The following ARMCX4 variants were observed in gnomAD, a reference collection of about 807,000 sequenced individuals.
The protein encoded by ARMCX4 is armadillo repeat containing X-linked 4, also known as armadillo repeat-containing X-linked protein 4.
A neutral mutation model predicts 34.7 loss-of-function variants in ARMCX4; 3 were observed. That is an observed-to-expected ratio of 0.09 (90% CI 0.04 to 0.22). The LOEUF (loss-of-function observed/expected upper bound fraction) is 0.22. Among genes scored for constraint, ARMCX4 ranks in the 10% least tolerant of loss-of-function variants. ARMCX4 has a pLI of 1.00. For synonymous variants in ARMCX4, 513 were observed against 632.8 expected (o/e 0.81, Z 2.84); for missense variants, 1,448 against 1,720.8 (o/e 0.84, Z 2.81).
upstream of ARMCX4, among the ~76,000 whole-genome samples, chrX:101,484,282 C>T (rs184521993): frequency 1.1e-3 from 118 of 111,600 alleles, no homozygotes; most frequent in Non-Finnish European, 1.8e-3. Flanking sequence ...TGGCAGACAC[C>T]GGCGAGATCT....
intron 2 of ARMCX4, among the ~76,000 whole-genome samples, chrX:101,428,084 G>A (rs782133068): frequency 7.1e-5 from 8 of 111,942 alleles, no homozygotes; most frequent in South Asian, 3.7e-4. Flanking sequence ...CGTGTACACC[G>A]GTGTTCTTAC....
chrX:101,530,510 A>G (rs1343928118), intron 11 of ARMCX4, among the ~76,000 whole-genome samples: 1 of 111,991 alleles, frequency 8.9e-6, no homozygotes, highest in Non-Finnish European at 1.9e-5. Context: ...AAAATAAAAA[A>G]GTGGTATATA....
At chrX:101,420,078 A>AT (rs782708932) in intron 2 of ARMCX4, among the ~76,000 whole-genome samples, 2 of 112,292 alleles carry the variant, frequency 1.8e-5, no homozygotes, top group South Asian at 7.3e-4. Context: ...AAGACCACCA[A>AT]TTGGCTGGAT....
At chrX:101,502,021 G>T (rs782281031) in intron 7 of ARMCX4, among the ~76,000 whole-genome samples, 1 of 112,337 alleles carries the variant, frequency 8.9e-6, no homozygotes, top group Non-Finnish European at 1.9e-5. Context: ...TGGGGAAATC[G>T]CAACTTAGCT....
chrX:101,432,739 C>CGT (rs1489172395), intron 2 of ARMCX4, among the ~76,000 whole-genome samples: 1 of 70,951 alleles, frequency 1.4e-5, no homozygotes, highest in African/African-American at 4.1e-5. Context: ...CACATATATA[C>CGT]GTATATATAT....
intron 4 of ARMCX4, among the ~76,000 whole-genome samples, chrX:101,469,936 G>A (rs924118042): frequency 4.5e-5 from 5 of 111,892 alleles, no homozygotes; most frequent in Non-Finnish European, 9.4e-5. Flanking sequence ...CTTAATTTGC[G>A]TATAATTAAA....
intron 2 of ARMCX4, among the ~76,000 whole-genome samples, chrX:101,439,961 C>T (rs1490803623): frequency 8.9e-6 from 1 of 111,833 alleles, no homozygotes; most frequent in Non-Finnish European, 1.9e-5. Flanking sequence ...TCATCTGAAG[C>T]CTTCTCCTCT....
chrX:101,457,807 A>G lies in ARMCX4; in HGVS notation c.-473+11763A>G, dbSNP rs374244062. On this transcript the variant is annotated intron_variant and NMD_transcript_variant, in intron 4 of 15. Transcript: ENST00000433011. ...GCCCAGGCTGAAGTGCAGTGGCACCATCTTGGCTCACTGAAACCTCTGCCT... is the reference window on the plus strand; with the variant it reads ...GCCCAGGCTGAAGTGCAGTGGCACCGTCTTGGCTCACTGAAACCTCTGCCT... Among the ~76,000 whole-genome samples the G allele has an allele frequency of 7.3e-5, 8 of 109,896 alleles. No individual in the cohort carries two copies. In the East Asian group the frequency reaches 2.1e-3, roughly 29 times the overall value.
Position 101,489,740 on chromosome X carries a change from C to A in ARMCX4, c.1151C>A (p.Thr384Asn). Residue 384 changes from threonine to asparagine, a missense_variant, in exon 6 of 6, where the codon ACC becomes AAC. By Grantham distance (65) the Thr-to-Asn change is moderately conservative. This residue lies in a region of ARMCX4 where 1,343 missense variants were observed against 1,540.7 expected (regional missense o/e 0.87). Coordinates refer to ENST00000423738, the MANE Select transcript of ARMCX4 (RefSeq NM_001256155.3). The part of the protein sequence containing the change: ...SGARVDGRGN[T>N]NVISKAITGA... Reference sequence around the variant, plus strand: ...GCCAGGGTTGATGGTAGGGGAAATACCAATGTCATATCTAAGGCAATAACT... The same window carrying A: ...GCCAGGGTTGATGGTAGGGGAAATAACAATGTCATATCTAAGGCAATAACT... 1.7e-6 allele frequency: 2 copies of A among 1,154,637 alleles called. No individual in the cohort carries two copies. Among genetic ancestry groups the A allele is most frequent in the Non-Finnish European group, 2.3e-6 (2 of 872,245 alleles).
At position 101,457,459 on chromosome X, in the gene ARMCX4, G is replaced by T. The variant is rs1556000444; in HGVS notation, c.-473+11415G>T. On this transcript the variant is annotated intron_variant and NMD_transcript_variant, in intron 4 of 15. Coordinates refer to the ARMCX4 transcript ENST00000433011. ...GGTTAAAAAAAATGGCCTTGGTGCA[G>T]TGGCTCACGCCTGTATCCCCAACAG... 3.6e-5 allele frequency among the ~76,000 whole-genome samples: 4 copies of T among 111,426 alleles called. No homozygotes were observed. The Admixed American group carries it at 3.8e-4, about 11-fold the overall frequency.
intron 4 of ARMCX4, among the ~76,000 whole-genome samples, chrX:101,458,346 A>T (rs1004087638): frequency 9.0e-6 from 1 of 111,223 alleles, no homozygotes; most frequent in African/African-American, 3.3e-5. Flanking sequence ...AATAACATAA[A>T]TAAGTAATTT....
At position 101,486,109 on chromosome X, in the gene ARMCX4, A is replaced by G. The variant is rs1933693265; in HGVS notation, c.-367+17A>G. On this transcript the variant is annotated intron_variant, in intron 2 of 5. Transcript: ENST00000423738. Reference sequence around the variant, plus strand: ...ATCAAGGAGGTTAGTGTGAGTACAGACACTATCTAAACCATTGGAGTTCCA... The same window carrying G: ...ATCAAGGAGGTTAGTGTGAGTACAGGCACTATCTAAACCATTGGAGTTCCA... The G allele has an allele frequency of 9.0e-6, 1 of 111,376 alleles. No homozygotes were observed. Among genetic ancestry groups the G allele is most frequent in the African/African-American group, 3.3e-5 (1 of 30,579 alleles). 9.2% of individuals were successfully genotyped at this position (111,376 alleles called of 1,213,427 possible). A position where few individuals can be genotyped will look rare whatever the true frequency, so the allele number is the denominator to read the frequency against.
At position 101,494,101 on chromosome X, in the gene ARMCX4, G is replaced by T; in HGVS notation, c.5512G>T (p.Gly1838Trp). The T allele has an allele frequency of 1.0e-6, 1 of 970,978 alleles. No homozygotes were observed. Among genetic ancestry groups the T allele is most frequent in the Non-Finnish European group, 1.4e-6 (1 of 737,626 alleles). The allele number at this position is 970,978 out of a possible 1,213,427, so 80.0% of individuals were successfully genotyped here. Residue 1838 changes from glycine to tryptophan, a missense_variant, in exon 6 of 6, where the codon GGG (glycine) becomes TGG (tryptophan). This residue lies in a region of ARMCX4 where 1,343 missense variants were observed against 1,540.7 expected (regional missense o/e 0.87). Coordinates refer to ENST00000423738, the MANE Select transcript of ARMCX4 (RefSeq NM_001256155.3). ...TGAGGCTGGGGCTGAGGCTGGGGCT[G>T]GGGCTGGGGCTGGGCCTGGGACTGA... ...GAEAGAEAGA[G>W]AGAGPGTESG...
In ARMCX4 at chrX:101,494,024, GGGCTGGGGCTGA is replaced by G. The variant is rs1934086868; in HGVS notation, c.5447_5458del (p.Glu1816_Ala1819del). On this transcript the variant is annotated inframe_deletion, in exon 6 of 6. Transcript: ENST00000423738. ...GGCTCCTGTGTAGGGGCTGAGGCTG[GGGCTGGGGCTGA>G]GGCTGGGGCTGGGGCTGAGGCTGGG... 4.1e-6 allele frequency: 3 copies of G among 733,154 alleles called. No homozygotes were observed. The highest frequency in any genetic ancestry group is 4.5e-5 in the East Asian group (1 of 22,462). 60.4% of individuals were successfully genotyped at this position (733,154 alleles called of 1,213,427 possible). A position where few individuals can be genotyped will look rare whatever the true frequency, so the allele number is the denominator to read the frequency against.
At chrX:101,523,808 C>CT (rs1934904402) in intron 11 of ARMCX4, among the ~76,000 whole-genome samples, 1 of 112,190 alleles carries the variant, frequency 8.9e-6, no homozygotes, top group Non-Finnish European at 1.9e-5. Context: ...TGTAATAACT[C>CT]TGTTTTTTTC....
In ARMCX4 at chrX:101,495,494, A is replaced by T; in HGVS notation, c.*32A>T. ...GTATGTTCCCAAACAAATTTGAGTAATATTTTGGTTTTGCACTCTGGAAGT... is the reference window on the plus strand; with the variant it reads ...GTATGTTCCCAAACAAATTTGAGTATTATTTTGGTTTTGCACTCTGGAAGT... On this transcript the variant is annotated 3_prime_UTR_variant, in exon 6 of 6. Transcript: ENST00000423738. 1 of 1,085,296 alleles carries T rather than the reference A, an allele frequency of 9.2e-7. No individual in the cohort carries two copies. The highest frequency in any genetic ancestry group is 1.2e-6 in the Non-Finnish European group (1 of 840,430). The allele number at this position is 1,085,296 out of a possible 1,213,427, so 89.4% of individuals were successfully genotyped here. A position where few individuals can be genotyped will look rare whatever the true frequency, so the allele number is the denominator to read the frequency against.
chrX:101,480,596 C>A (rs781855207), upstream of ARMCX4, among the ~76,000 whole-genome samples: 1 of 110,761 alleles, frequency 9.0e-6, no homozygotes, highest in Non-Finnish European at 1.9e-5. Context: ...ATCAAAAATA[C>A]CATAAAATTA....
chrX:101,476,187 T>G (rs1359066719), intron 4 of ARMCX4, among the ~76,000 whole-genome samples: 1 of 109,815 alleles, frequency 9.1e-6, no homozygotes, highest in African/African-American at 3.3e-5. Flanking sequence ...AGCAAATATT[T>G]ATTGAGTGCT....
intron 2 of ARMCX4, among the ~76,000 whole-genome samples, chrX:101,433,439 C>A (rs1201157570): frequency 9.1e-6 from 1 of 110,100 alleles, no homozygotes; most frequent in East Asian, 2.9e-4. Context: ...TGTATACACA[C>A]ACACACACGT....
Sources: allele counts gnomAD v4.1 joint callset (sites outside exome capture counted in the v4.1 genomes callset), GRCh38; gene constraint gnomAD v4.1.1; regional missense constraint gnomAD v4.1.1; transcripts MANE v1.5; gene names NCBI Gene and HGNC (gene_info 2026-07-23, HGNC 2026-07-21).